The following DIO2 variants were observed in gnomAD, a reference collection of about 807,000 sequenced individuals.
DIO2 encodes type II iodothyronine deiodinase.
DIO2 carries 19 observed loss-of-function variants against 21.4 expected under a neutral mutation model. The ratio of observed to expected loss-of-function variants is 0.89; its 90% confidence interval spans 0.62 to 1.30. The LOEUF is 1.30. Among genes scored for constraint, DIO2 ranks in the 50% most tolerant of loss-of-function variants. The pLI is 0.00. For missense variants in DIO2, 302 were observed against 338.1 expected (o/e 0.89, Z 0.84); for synonymous variants, 122 against 132.9 (o/e 0.92, Z 0.57).
At chr14:80,212,815 G>A (rs796287817), upstream of DIO2, among the ~76,000 whole-genome samples, 5 of 147,168 alleles carry the variant, frequency 3.4e-5, no homozygotes, top group African/African-American at 1.3e-4. Flanking sequence ...TTGAATACAG[G>A]TTTCTTTTTA....
intron 2 of DIO2, among the ~76,000 whole-genome samples, chr14:80,226,724 G>A (rs1459249826): frequency 2.0e-5 from 3 of 152,220 alleles, no homozygotes; most frequent in Non-Finnish European, 4.4e-5. Context: ...TGGCCACTTT[G>A]TTCATGGGCC....
chr14:80,217,185 G>C (rs1236480146), intron 2 of DIO2, among the ~76,000 whole-genome samples: 1 of 152,152 alleles, frequency 6.6e-6, no homozygotes, highest in Admixed American at 6.5e-5. Context: ...ATTTCTGTTT[G>C]GTAAGAGGAT....
upstream of DIO2, chr14:80,216,140 CAGGCTACCTACTGGTAAGACAG>C (rs1888346919): frequency 6.6e-6 from 1 of 151,938 alleles, no homozygotes; most frequent in Admixed American, 6.5e-5. Context: ...CTTTTTTTTC[CAGGCTACCTACTGGTAAGACAG>C]AGGGGGAGAA....
chr14:80,229,620 T>G (rs1287510525), intron 2 of DIO2, among the ~76,000 whole-genome samples: 1 of 152,186 alleles, frequency 6.6e-6, no homozygotes, highest in Admixed American at 6.5e-5. Context: ...TTCCTCTACA[T>G]TAAGCCAAGG....
rs779114709 is a variant in DIO2, at chr14:80,211,334, T to G, written c.139A>C (p.Thr47Pro). 6 of 1,613,430 alleles carry G rather than the reference T, an allele frequency of 3.7e-6. No individual in the cohort carries two copies. The highest frequency in any genetic ancestry group is 5.1e-6 in the Non-Finnish European group (6 of 1,179,826). ...VVLLLSRSKS[T>P]RGEWRRMLTS... The stretch of plus-strand genomic sequence containing the variant: ...AGCATGCGCCGCCACTCTCCGCGAG[T>G]GGACTTGGAGCGGCTCAACAGCAGC... Residue 47 changes from threonine (T) to proline (P), a missense_variant, in exon 1 of 2, where the codon ACT becomes CCT. Coordinates refer to ENST00000438257, the MANE Select transcript of DIO2 (RefSeq NM_013989.5).
At chr14:80,206,899 C>T (rs12437279) in intron 1 of DIO2, among the ~76,000 whole-genome samples, 49,742 of 152,036 alleles carry the variant, frequency 0.33, 8,693 homozygotes, top group South Asian at 0.49. Context: ...CAGCATTAGC[C>T]GCTCTAAAGA....
At chr14:80,214,121 TA>T (rs1888293673), upstream of DIO2, among the ~76,000 whole-genome samples, 1 of 152,196 alleles carries the variant, frequency 6.6e-6, no homozygotes, top group South Asian at 2.1e-4. Context: ...GTGAAAGCTA[TA>T]TTGCCATAGT....
intron 1 of DIO2, 105 bp from the exon 2 acceptor site, chr14:80,203,393 TAGAG>T (rs1887826008): frequency 3.8e-6 from 5 of 1,304,360 alleles, no homozygotes; most frequent in Non-Finnish European, 5.1e-6. Context: ...TTGGCTCTAA[TAGAG>T]TGTGGTATTT....
intron 2 of DIO2, among the ~76,000 whole-genome samples, chr14:80,226,745 T>C (rs1888583796): frequency 6.6e-6 from 1 of 152,204 alleles, no homozygotes. Context: ...CATTGGGCAA[T>C]GACAGGGGTG....
chr14:80,209,141 C>A (rs1888065955), intron 1 of DIO2, among the ~76,000 whole-genome samples: 2 of 152,016 alleles, frequency 1.3e-5, no homozygotes, highest in African/African-American at 4.8e-5. Context: ...GTGAAAAAAA[C>A]AATAAACTTT....
Position 80,200,819 on chromosome 14 carries a change from C to T in DIO2, c.*1870G>A, listed in dbSNP as rs1327303698. On this transcript the variant is annotated 3_prime_UTR_variant, in exon 2 of 2. Transcript: ENST00000438257. ...CTGGTGACACGACTGATATGTTGCT[C>T]CCATTTAAAAAATAAAATAAAATAC... 6.6e-6 allele frequency: 1 copy of T among 152,104 alleles called. No individual in the cohort carries two copies. Among genetic ancestry groups the T allele is most frequent in the Non-Finnish European group, 1.5e-5 (1 of 68,020 alleles). 9.4% of individuals were successfully genotyped at this position (152,104 alleles called of 1,614,324 possible).
At chr14:80,215,021 CA>C (rs1310607809), upstream of DIO2, among the ~76,000 whole-genome samples, 1 of 152,174 alleles carries the variant, frequency 6.6e-6, no homozygotes, top group African/African-American at 2.4e-5. Flanking sequence ...GAGGACTTCA[CA>C]TCTGTTTAAG....
chr14:80,212,846 GA>G (rs57172413), upstream of DIO2, among the ~76,000 whole-genome samples: 2,063 of 113,968 alleles, frequency 0.018, 36 homozygotes, highest in African/African-American at 0.047. Context: ...AGCTTCTAAT[GA>G]AAAAAAAAAA....
rs577506082 is a variant in DIO2 at position 80,219,776 on chromosome 14, G to T, written c.-277-3039C>A. Among the ~76,000 whole-genome samples the T allele has an allele frequency of 1.7e-3, 264 of 152,238 alleles. 1 individual carries two copies. Among genetic ancestry groups the T allele is most frequent in the African/African-American group, 5.8e-3 (241 of 41,546 alleles). On this transcript the variant is annotated intron_variant, in intron 2 of 4. Transcript: ENST00000553594. The stretch of plus-strand genomic sequence containing the variant: ...TCTGTGTGAAGCCAGAGTCAATAAA[G>T]AGTTAATGAAGAAAATGCACAGGTC...
intron 1 of DIO2, among the ~76,000 whole-genome samples, chr14:80,205,402 T>C (rs1205842809): frequency 6.6e-6 from 1 of 152,204 alleles, no homozygotes; most frequent in Non-Finnish European, 1.5e-5. Context: ...ACCTGTACAC[T>C]TGTAGGTTCT....
Position 80,211,319 on chromosome 14 carries a change from G to T in DIO2, c.154C>A (p.Arg52=). The T allele has an allele frequency of 6.2e-7, 1 of 1,613,638 alleles. No homozygotes were observed. The highest frequency in any genetic ancestry group is 8.5e-7 in the Non-Finnish European group (1 of 1,179,862). The stretch of plus-strand genomic sequence containing the variant: ...AGTCCCTCTGAGGTCAGCATGCGCC[G>T]CCACTCTCCGCGAGTGGACTTGGAG... The part of the protein sequence containing the change: ...SRSKSTRGEW[R]RMLTSEGLRC... Residue 52 remains arginine, a synonymous_variant, in exon 1 of 2, where the codon CGG becomes AGG. Coordinates refer to ENST00000438257, the MANE Select transcript of DIO2 (RefSeq NM_013989.5).
rs1056246690 is a variant in DIO2 at position 80,201,971 on chromosome 14, C to T, written c.*718G>A. ...AACTCTGTGAATTTTCCAAATCTTT[C>T]TGCCTCCTCTTTCCTAGCTTGTCAA... is the stretch of plus-strand genomic sequence containing the variant. On this transcript the variant is annotated 3_prime_UTR_variant, in exon 2 of 2. Coordinates refer to ENST00000438257, the MANE Select transcript of DIO2 (RefSeq NM_013989.5). The T allele has an allele frequency of 1.2e-5, 2 of 171,504 alleles. No homozygotes were observed. The highest frequency in any genetic ancestry group is 6.0e-5 in the Admixed American group (1 of 16,534). 10.6% of individuals were successfully genotyped at this position (171,504 alleles called of 1,614,324 possible).
At chr14:80,217,110 CTA>C (rs1412504129) in intron 2 of DIO2, among the ~76,000 whole-genome samples, 1 of 152,166 alleles carries the variant, frequency 6.6e-6, no homozygotes, top group Admixed American at 6.5e-5. Flanking sequence ...AGAAAATAAA[CTA>C]GATATTCTAT....
chr14:80,217,422 A>T lies in DIO2; in HGVS notation c.-277-685T>A, dbSNP rs531973500. On this transcript the variant is annotated intron_variant, in intron 2 of 4. Transcript: ENST00000553594. Reference sequence around the variant, plus strand: ...GGTGGAACACAATAATTTATAAATTATTGTTCTGTTTCCATTTCAATTTTG... The same window carrying T: ...GGTGGAACACAATAATTTATAAATTTTTGTTCTGTTTCCATTTCAATTTTG... Among the ~76,000 whole-genome samples, 5 of 152,330 alleles carry T rather than the reference A, an allele frequency of 3.3e-5. No individual in the cohort carries two copies. The South Asian group carries it at 1.0e-3, about 32-fold the overall frequency.
Sources: allele counts gnomAD v4.1 joint callset (sites outside exome capture counted in the v4.1 genomes callset), GRCh38; gene constraint gnomAD v4.1.1; transcripts MANE v1.5; gene names NCBI Gene and HGNC (gene_info 2026-07-23, HGNC 2026-07-21).